The following ASNSD1 variants were observed in gnomAD, a reference collection of about 807,000 sequenced individuals.
ASNSD1 encodes the protein asparagine synthetase domain containing 1.
Under a neutral mutation model 48.3 loss-of-function variants are expected in ASNSD1, and 36 were observed. The ratio of observed to expected loss-of-function variants is 0.75; its 90% confidence interval spans 0.57 to 0.99. The LOEUF is 0.99. Ranked by LOEUF, ASNSD1 falls within the 50% of genes least tolerant of loss-of-function variation. The pLI is 0.00. For synonymous variants in ASNSD1, 257 were observed against 262.1 expected, an observed-to-expected ratio of 0.98 and a Z score of 0.19; for missense variants, 714 against 758.2, an observed-to-expected ratio of 0.94 and a Z score of 0.69.
At chr2:189,670,304 G>A in intron 5 of ASNSD1, 137 bp from the exon 6 acceptor site, 1 of 595,694 alleles carries the variant, frequency 1.7e-6, no homozygotes, top group Non-Finnish European at 2.8e-6. Context: ...TTGAGATTTA[G>A]ACTATTTTGT....
Position 189,666,541 on chromosome 2 carries a change from T to A in ASNSD1, c.409T>A (p.Phe137Ile), listed in dbSNP as rs745991037. 4.3e-6 allele frequency: 7 copies of A among 1,613,808 alleles called. No homozygotes were observed. The highest frequency in any genetic ancestry group is 1.7e-5 in the Admixed American group (1 of 59,958). The change falls in exon 4 of 6, where the codon TTT becomes ATT. Residue 137 changes from phenylalanine to isoleucine, a missense_variant. Transcript: ENST00000260952. ...TCATTATTTATGGTTTGGTAGGGAT[T>A]TTTTTGGTCGCCGTAGCTTGCTTTG... ...SSHYLWFGRD[F>I]FGRRSLLWHF...
In ASNSD1 at chr2:189,664,073, T is replaced by C. The variant is rs546234522; in HGVS notation, c.-169+119T>C. 1.2e-4 allele frequency: 41 copies of C among 333,020 alleles called. No individual in the cohort carries two copies. The South Asian group carries it at 4.4e-3, about 36-fold the overall frequency. The allele number at this position is 333,020 out of a possible 1,614,324, so 20.6% of individuals were successfully genotyped here. On this transcript the variant is annotated intron_variant, in intron 2 of 5. Coordinates refer to ENST00000260952, the MANE Select transcript of ASNSD1 (RefSeq NM_019048.4). The stretch of plus-strand genomic sequence containing the variant: ...ATACTTTAATAAAATGTATAGTATT[T>C]CAGCATCTTTTAAAATTGCAAGTGT...
chr2:189,670,434 A>G lies in ASNSD1; in HGVS notation c.1647-7A>G. On this transcript the variant is annotated splice_region_variant and splice_polypyrimidine_tract_variant and intron_variant, in intron 5 of 5. Transcript: ENST00000260952. ...TACATAGTGGTTATATTATCTGTCT[A>G]TTTTAGATTTCCTTTCCTGGATGAA... 6.2e-7 allele frequency: 1 copy of G among 1,601,076 alleles called. No individual in the cohort carries two copies. The highest frequency in any genetic ancestry group is 8.5e-7 in the Non-Finnish European group (1 of 1,170,432).
Position 189,670,621 on chromosome 2 carries a change from A to C in ASNSD1, c.1827A>C (p.Arg609Ser). ...LPKRAMQFGS[R>S]IAKMEKINEK... ...AACGGGCCATGCAGTTTGGATCAAG[A>C]ATTGCAAAAATGGAAAAAATTAATG... The change falls in exon 6 of 6, where the codon AGA becomes AGC. Residue 609 changes from arginine (R) to serine (S), a missense_variant. Transcript: ENST00000260952. 6.2e-7 allele frequency: 1 copy of C among 1,614,026 alleles called. No homozygotes were observed. The highest frequency in any genetic ancestry group is 8.5e-7 in the Non-Finnish European group (1 of 1,179,964).
chr2:189,661,857 G>A (rs2032672857), intron 1 of ASNSD1, among the ~76,000 whole-genome samples: 1 of 152,120 alleles, frequency 6.6e-6, no homozygotes, highest in African/African-American at 2.4e-5. Context: ...GCGGAGTTTT[G>A]GTTGGGTGTT....
intron 1 of ASNSD1, among the ~76,000 whole-genome samples, chr2:189,662,864 C>A (rs916939797): frequency 1.3e-5 from 2 of 151,098 alleles, no homozygotes; most frequent in African/African-American, 4.9e-5. Context: ...GTGAGAATCG[C>A]CTGAGCCCGG....
At position 189,666,158 on chromosome 2, in the gene ASNSD1, A is replaced by G. The variant is rs2032796585; in HGVS notation, c.26A>G (p.Asn9Ser). The change falls in exon 4 of 6, where the codon AAC (asparagine) becomes AGC (serine). Residue 9 changes from asparagine (N) to serine (S), a missense_variant. By Grantham distance (46) the Asn-to-Ser change is conservative. Transcript: ENST00000260952. Reference sequence around the variant, plus strand: ...ATGTGTGGCATTTGTTGTTCTGTAAACTTTTCTGCTGAGCATTTCAGTCAA... The same window carrying G: ...ATGTGTGGCATTTGTTGTTCTGTAAGCTTTTCTGCTGAGCATTTCAGTCAA... The part of the protein sequence containing the change: MCGICCSV[N>S]FSAEHFSQDL... The G allele has an allele frequency of 1.3e-6, 2 of 1,584,424 alleles. No individual in the cohort carries two copies. The highest frequency in any genetic ancestry group is 3.7e-5 in the Admixed American group (2 of 54,272).
rs1305614781 is a variant in ASNSD1, at chr2:189,666,918, T to C, written c.786T>C (p.Asn262=). ...ALETHCSNIS[N]VPPTREILQV... is the part of the protein sequence containing the mutation. ...AGACTCATTGCAGTAATATTTCCAA[T>C]GTGCCACCTACAAGAGAGATACTTC... Residue 262 remains asparagine, a synonymous_variant, in exon 4 of 6, where the codon AAT becomes AAC. Coordinates refer to ENST00000260952, the MANE Select transcript of ASNSD1 (RefSeq NM_019048.4). The C allele has an allele frequency of 1.2e-6, 2 of 1,614,124 alleles. No homozygotes were observed. Among genetic ancestry groups the C allele is most frequent in the South Asian group, 1.1e-5 (1 of 91,072 alleles).
intron 2 of ASNSD1, 152 bp from the exon 3 acceptor site, chr2:189,665,224 G>A (rs1359133411): frequency 2.2e-5 from 8 of 368,982 alleles, no homozygotes; most frequent in Admixed American, 1.4e-4. Context: ...TAGTTGGGCA[G>A]TGGGTGACTT....
At chr2:189,662,908 C>T (rs572303200) in intron 1 of ASNSD1, among the ~76,000 whole-genome samples, 1 of 146,316 alleles carries the variant, frequency 6.8e-6, no homozygotes, top group South Asian at 2.2e-4. Context: ...GTGATCGCAC[C>T]ACTGCACTCC....
chr2:189,668,470 C>T (rs912903279), intron 5 of ASNSD1, among the ~76,000 whole-genome samples: 5 of 152,004 alleles, frequency 3.3e-5, no homozygotes, highest in Non-Finnish European at 7.4e-5. Context: ...GATCGCGCCA[C>T]CGCACTCCAG....
chr2:189,666,535 A>G lies in ASNSD1; in HGVS notation c.403A>G (p.Arg135Gly), dbSNP rs781229792. The G allele has an allele frequency of 1.2e-5, 19 of 1,613,756 alleles. No individual in the cohort carries two copies. In the African/African-American group the frequency reaches 2.4e-4, roughly 20 times the overall value. Residue 135 changes from arginine (R) to glycine (G), a missense_variant, in exon 4 of 6, where the codon AGG (arginine) becomes GGG (glycine). Physicochemically the swap from Arg to Gly is moderately radical, Grantham distance 125. Transcript: ENST00000260952. ...QASSHYLWFG[R>G]DFFGRRSLLW... ...ATCTAGTCATTATTTATGGTTTGGT[A>G]GGGATTTTTTTGGTCGCCGTAGCTT...
chr2:189,663,276 G>A (rs111476512), intron 1 of ASNSD1, among the ~76,000 whole-genome samples: 5,404 of 150,594 alleles, frequency 0.036, 111 homozygotes, highest in South Asian at 0.069. Context: ...TTTTTGAGAC[G>A]GAGTTTCACT....
chr2:189,665,618 A>ATGTG (rs1559034468), intron 3 of ASNSD1, among the ~76,000 whole-genome samples, 167 bp downstream of exon 3: 1 of 108,900 alleles, frequency 9.2e-6, no homozygotes, highest in Non-Finnish European at 2.0e-5. Flanking sequence ...ATATATATAT[A>ATGTG]TATATATATA....
chr2:189,661,760 C>A (rs1340778764), intron 1 of ASNSD1, 150 bp downstream of exon 1: 9 of 397,224 alleles, frequency 2.3e-5, no homozygotes, highest in Non-Finnish European at 4.0e-5. Flanking sequence ...ACTTGACAGC[C>A]ACAGTTAGTC....
Position 189,667,385 on chromosome 2 carries a change from C to T in ASNSD1, c.1253C>T (p.Ala418Val), listed in dbSNP as rs1302362087. 5.0e-6 allele frequency: 8 copies of T among 1,614,174 alleles called. No homozygotes were observed. Among genetic ancestry groups the T allele is most frequent in the Non-Finnish European group, 6.8e-6 (8 of 1,180,024 alleles). ...AGGGCGGGACTAAAGGAACTACAAG[C>T]TGTTAGCCCTTCCCGAATTTGGAAT... Reference protein sequence around the residue: ...TGRAGLKELQAVSPSRIWNFV... With the variant: ...TGRAGLKELQVVSPSRIWNFV... Residue 418 changes from alanine to valine, a missense_variant, in exon 4 of 6, where the codon GCT becomes GTT. Coordinates refer to ENST00000260952, the MANE Select transcript of ASNSD1 (RefSeq NM_019048.4).
In ASNSD1 at chr2:189,662,358, G is replaced by A. The variant is rs139337294; in HGVS notation, c.-223+748G>A. ...TTTGGTTCTGTCCCAAACTTACAAT[G>A]ACATCTTGGGCAAGTCTCTTTAATC... On this transcript the variant is annotated intron_variant, in intron 1 of 5. Transcript: ENST00000260952. Among the ~76,000 whole-genome samples the A allele has an allele frequency of 9.8e-4, 150 of 152,322 alleles. 1 individual carries two copies. Among genetic ancestry groups the A allele is most frequent in the Middle Eastern group, 3.4e-3 (1 of 294 alleles).
intron 2 of ASNSD1, 157 bp from the exon 3 acceptor site, chr2:189,665,219 G>A (rs906039492): frequency 7.1e-5 from 26 of 366,300 alleles, no homozygotes; most frequent in African/African-American, 2.7e-4. Context: ...TCTGGTAGTT[G>A]GGCAGTGGGT....
chr2:189,662,889 C>CA (rs2032699359), intron 1 of ASNSD1, among the ~76,000 whole-genome samples: 1 of 144,810 alleles, frequency 6.9e-6, no homozygotes, highest in African/African-American at 2.6e-5. Context: ...ATCAAAGCTG[C>CA]AGTGAGCCGT....
Sources: gnomAD v4.1 joint callset for allele counts (sites outside exome capture counted in the v4.1 genomes callset) on GRCh38, gnomAD v4.1.1 for gene constraint, MANE v1.5 for transcripts, NCBI Gene and HGNC (gene_info 2026-07-23, HGNC 2026-07-21) for gene names.